CNTNAP5: variants seen among roughly 807,000 people sequenced by gnomAD.
CNTNAP5 encodes the protein contactin associated protein family member 5.
A neutral mutation model predicts 150.2 loss-of-function variants in CNTNAP5; 72 were observed. The observed-to-expected ratio is 0.48, with a 90% CI of 0.40 to 0.58. The LOEUF is 0.58. Ranked by LOEUF, CNTNAP5 falls within the 20% of genes least tolerant of loss-of-function variation. The pLI is 0.00. For synonymous variants in CNTNAP5, 672 were observed against 619.8 expected (o/e 1.08, Z -1.25); for missense variants, 1,636 against 1,626.2 (o/e 1.01, Z -0.10).
chr2:124,146,876 G>T (rs1399290810), intron 1 of CNTNAP5, among the ~76,000 whole-genome samples: 3 of 152,126 alleles, frequency 2.0e-5, no homozygotes, highest in Non-Finnish European at 4.4e-5. Context: ...GGTTTCCTCA[G>T]CTTCTCTTAT....
At chr2:124,045,041 A>G (rs1410861101) in intron 1 of CNTNAP5, among the ~76,000 whole-genome samples, 1 of 152,180 alleles carries the variant, frequency 6.6e-6, no homozygotes, top group Non-Finnish European at 1.5e-5. Flanking sequence ...AGTAGAATAC[A>G]AAATTTCAGG....
intron 3 of CNTNAP5, among the ~76,000 whole-genome samples, chr2:124,355,901 T>C (rs780891225): frequency 1.5e-4 from 23 of 152,152 alleles, no homozygotes; most frequent in Non-Finnish European, 2.9e-4. Context: ...TTGGAATATC[T>C]AGTGTCTAAA....
intron 1 of CNTNAP5, among the ~76,000 whole-genome samples, chr2:124,173,364 A>G (rs1408121951): frequency 1.3e-5 from 2 of 152,234 alleles, no homozygotes; most frequent in Non-Finnish European, 2.9e-5. Flanking sequence ...GAGACAAGAC[A>G]AAAGCCAAGA....
At chr2:124,609,175 G>GGGAGCAA (rs1284630081) in intron 11 of CNTNAP5, among the ~76,000 whole-genome samples, 3 of 152,274 alleles carry the variant, frequency 2.0e-5, no homozygotes, top group Non-Finnish European at 2.9e-5. Flanking sequence ...AGTATACAGT[G>GGGAGCAA]GGAGCAAGGA....
intron 1 of CNTNAP5, among the ~76,000 whole-genome samples, chr2:124,162,838 T>A (rs1018636127): frequency 9.4e-5 from 14 of 149,466 alleles, no homozygotes; most frequent in African/African-American, 2.9e-4. Flanking sequence ...TTTCAAGGCA[T>A]GTTTTTTATG....
At chr2:124,751,931 G>GA (rs1680736143) in intron 14 of CNTNAP5, among the ~76,000 whole-genome samples, 2 of 152,116 alleles carry the variant, frequency 1.3e-5, no homozygotes, top group South Asian at 4.2e-4. Flanking sequence ...CTTTTCCCCA[G>GA]AAAAAAGAAA....
chr2:124,156,287 A>T (rs977844088), intron 1 of CNTNAP5, among the ~76,000 whole-genome samples: 1 of 152,172 alleles, frequency 6.6e-6, no homozygotes, highest in Non-Finnish European at 1.5e-5. Context: ...AGGGCAGTCA[A>T]TGTTCCTCCA....
At chr2:124,397,688 C>T (rs1183180604) in intron 3 of CNTNAP5, among the ~76,000 whole-genome samples, 1 of 152,100 alleles carries the variant, frequency 6.6e-6, no homozygotes, top group Non-Finnish European at 1.5e-5. Flanking sequence ...TTGTTATCTC[C>T]ATTTAATAGA....
At chr2:124,870,741 T>A (rs1677728439) in intron 21 of CNTNAP5, among the ~76,000 whole-genome samples, 1 of 152,122 alleles carries the variant, frequency 6.6e-6, no homozygotes, top group Non-Finnish European at 1.5e-5. Flanking sequence ...TGTGGGTTCT[T>A]TTTGGGGTCT....
intron 3 of CNTNAP5, among the ~76,000 whole-genome samples, chr2:124,271,461 G>C (rs1687749626): frequency 1.3e-5 from 2 of 152,156 alleles, no homozygotes; most frequent in Non-Finnish European, 2.9e-5. Flanking sequence ...TGGCCTCTGG[G>C]TAACGATGTA....
intron 19 of CNTNAP5, among the ~76,000 whole-genome samples, chr2:124,816,725 G>A (rs181097029): frequency 6.6e-5 from 10 of 151,956 alleles, no homozygotes; most frequent in Non-Finnish European, 1.0e-4. Context: ...TGATCCACCC[G>A]CCTCAGCCTC....
chr2:124,124,426 T>A (rs768172510), intron 1 of CNTNAP5, among the ~76,000 whole-genome samples: 13 of 152,104 alleles, frequency 8.5e-5, no homozygotes, highest in Admixed American at 7.2e-4. Context: ...AAAGACCAAA[T>A]CTACGTCTGA....
intron 10 of CNTNAP5, among the ~76,000 whole-genome samples, chr2:124,530,857 C>T (rs1461992390): frequency 6.6e-6 from 1 of 152,126 alleles, no homozygotes; most frequent in African/African-American, 2.4e-5. Flanking sequence ...AAGCCCCTGT[C>T]CTTCATAATA....
chr2:124,401,986 T>C (rs984334090), intron 3 of CNTNAP5, among the ~76,000 whole-genome samples: 16 of 152,328 alleles, frequency 1.1e-4, no homozygotes, highest in Middle Eastern at 3.4e-3. Flanking sequence ...TGACAAGTTC[T>C]ATTATATCCC....
At chr2:124,267,351 G>A (rs556926536) in intron 3 of CNTNAP5, among the ~76,000 whole-genome samples, 1 of 152,256 alleles carries the variant, frequency 6.6e-6, no homozygotes, top group Non-Finnish European at 1.5e-5. Flanking sequence ...TTGGGGTCAT[G>A]GTGATTAATT....
At chr2:124,883,131 T>G (rs1678002212) in intron 21 of CNTNAP5, among the ~76,000 whole-genome samples, 1 of 151,208 alleles carries the variant, frequency 6.6e-6, no homozygotes, top group Non-Finnish European at 1.5e-5. Flanking sequence ...TGCAGTGGCA[T>G]GATTTTAGTA....
chr2:124,387,228 G>A (rs1312720326), intron 3 of CNTNAP5, among the ~76,000 whole-genome samples: 1 of 152,202 alleles, frequency 6.6e-6, no homozygotes, highest in African/African-American at 2.4e-5. Context: ...CGACTAGAAT[G>A]TCATCTTTTC....
At chr2:124,821,371 G>A (rs1406290692) in intron 19 of CNTNAP5, among the ~76,000 whole-genome samples, 3 of 152,082 alleles carry the variant, frequency 2.0e-5, no homozygotes, top group Admixed American at 6.5e-5. Flanking sequence ...CTGCTCAAAC[G>A]GCAGCAGGCA....
At chr2:124,665,775 G>A (rs1678687437) in intron 13 of CNTNAP5, among the ~76,000 whole-genome samples, 1 of 151,856 alleles carries the variant, frequency 6.6e-6, no homozygotes, top group Non-Finnish European at 1.5e-5. Flanking sequence ...AGTCCCAGCT[G>A]CTTAGGAGGC....
Sources: allele counts gnomAD v4.1 joint callset (sites outside exome capture counted in the v4.1 genomes callset), GRCh38; gene constraint gnomAD v4.1.1; transcripts MANE v1.5; gene names NCBI Gene and HGNC (gene_info 2026-07-23, HGNC 2026-07-21).